The following CFDP1 variants were observed in gnomAD, a reference collection of about 807,000 sequenced individuals.
CFDP1 encodes the protein heterochromatin-stabilizing protein CFDP1.
A neutral mutation model predicts 40.1 loss-of-function variants in CFDP1; 31 were observed. The ratio of observed to expected loss-of-function variants is 0.77; its 90% CI spans 0.58 to 1.04. The LOEUF (loss-of-function observed/expected upper bound fraction) is 1.04, where lower values mean the gene tolerates loss of function less well. Ranked by LOEUF, CFDP1 falls within the 50% of genes least tolerant of loss-of-function variation. CFDP1 has a pLI of 0.00. For missense variants in CFDP1, 423 were observed against 343.4 expected (o/e 1.23, Z -1.83); for synonymous variants, 167 against 120.0 (o/e 1.39, Z -2.56).
Position 75,428,496 on chromosome 16 carries a change from T to C in CFDP1, c.64+4793A>G, listed in dbSNP as rs2079367836. ...AGCCAGGTGTGGTGGCACGCGCCTG[T>C]ATCCCAGCTACTCGAGAGGCTGAGG... On this transcript the variant is annotated intron_variant, in intron 1 of 6. Coordinates refer to ENST00000283882, the MANE Select transcript of CFDP1 (RefSeq NM_006324.3). 4.0e-5 allele frequency among the ~76,000 whole-genome samples: 6 copies of C among 151,766 alleles called. No individual in the cohort carries two copies. In the South Asian group the frequency reaches 1.2e-3, roughly 32 times the overall value.
At chr16:75,422,714 T>C (rs1030495185) in intron 1 of CFDP1, among the ~76,000 whole-genome samples, 2 of 146,432 alleles carry the variant, frequency 1.4e-5, no homozygotes, top group African/African-American at 5.1e-5. Flanking sequence ...GTCTTAAAAC[T>C]GTGATCAAAA....
At chr16:75,312,289 T>A (rs556386403) in intron 5 of CFDP1, among the ~76,000 whole-genome samples, 1 of 152,282 alleles carries the variant, frequency 6.6e-6, no homozygotes, top group East Asian at 1.9e-4. Flanking sequence ...GACAACGGCC[T>A]CAGGAAAGCA....
At chr16:75,343,984 T>C (rs1214866956) in intron 5 of CFDP1, among the ~76,000 whole-genome samples, 3 of 152,190 alleles carry the variant, frequency 2.0e-5, no homozygotes, top group African/African-American at 7.2e-5. Context: ...TATACTAAAA[T>C]TAGAATCTCT....
intron 5 of CFDP1, among the ~76,000 whole-genome samples, chr16:75,388,306 T>C (rs2078917504): frequency 6.6e-6 from 1 of 152,210 alleles, no homozygotes; most frequent in Non-Finnish European, 1.5e-5. Flanking sequence ...AAATAGACAT[T>C]ATTTATTCTT....
intron 5 of CFDP1, among the ~76,000 whole-genome samples, chr16:75,346,582 C>CAAAAAAAAAAAAAAAAAAAAAA (rs748081401): frequency 1.7e-5 from 1 of 59,328 alleles, no homozygotes; most frequent in African/African-American, 7.4e-5. Flanking sequence ...GACTCTGTCT[C>CAAAAAAAAAAAAAAAAAAAAAA]AAAAAAAAAA....
chr16:75,307,751 G>T lies in CFDP1; in HGVS notation c.651-2569C>A, dbSNP rs183558476. Reference sequence around the variant, plus strand: ...CTTTTTTATGTTTTGTAGAGACAGGGTCTTGCTATGTTGCCCAAGGCTGGT... The same window carrying T: ...CTTTTTTATGTTTTGTAGAGACAGGTTCTTGCTATGTTGCCCAAGGCTGGT... On this transcript the variant is annotated intron_variant, in intron 5 of 6. Coordinates refer to ENST00000283882, the MANE Select transcript of CFDP1 (RefSeq NM_006324.3). Among the ~76,000 whole-genome samples the T allele has an allele frequency of 2.0e-5, 3 of 152,172 alleles. No homozygotes were observed. The East Asian group carries it at 5.8e-4, about 29-fold the overall frequency.
chr16:75,433,420 G>A lies in CFDP1; in HGVS notation c.-68C>T. 6.8e-7 allele frequency: 1 copy of A among 1,476,418 alleles called. No homozygotes were observed. The highest frequency in any genetic ancestry group is 1.2e-5 in the South Asian group (1 of 83,412). 91.5% of individuals were successfully genotyped at this position (1,476,418 alleles called of 1,614,324 possible). On this transcript the variant is annotated 5_prime_UTR_variant, in exon 1 of 7. Coordinates refer to ENST00000283882, the MANE Select transcript of CFDP1 (RefSeq NM_006324.3). ...AGCCGCCTCCAACGGCAAAGCTCTA[G>A]GGAGAGACCATAGAGCCCCGGCGGC...
At chr16:75,306,121 C>T (rs1375990877) in intron 5 of CFDP1, among the ~76,000 whole-genome samples, 1 of 152,226 alleles carries the variant, frequency 6.6e-6, no homozygotes, top group African/African-American at 2.4e-5. Flanking sequence ...TATTTTCCGC[C>T]TCACGGGGAT....
intron 5 of CFDP1, among the ~76,000 whole-genome samples, chr16:75,369,391 C>G (rs11640473): frequency 6.5e-4 from 97 of 150,366 alleles, no homozygotes; most frequent in African/African-American, 2.3e-3. Flanking sequence ...TCAAAAAAAA[C>G]AAAAACAAAA....
chr16:75,386,012 G>T (rs1480206898), intron 5 of CFDP1, among the ~76,000 whole-genome samples: 1 of 152,080 alleles, frequency 6.6e-6, no homozygotes, highest in Non-Finnish European at 1.5e-5. Flanking sequence ...CACAACCAAG[G>T]GTATAGGAAT....
rs142783721 is a variant in CFDP1, at chr16:75,430,798, C to T, written c.64+2491G>A. Among the ~76,000 whole-genome samples the T allele has an allele frequency of 1.5e-3, 226 of 152,228 alleles. 1 individual carries two copies. The highest frequency in any genetic ancestry group is 5.4e-3 in the African/African-American group (223 of 41,518). Reference sequence around the variant, plus strand: ...TTTATCATACAGATGAAGCTTTTAGCAGACAGGCTTCAGAGAGAATAGGTT... The same window carrying T: ...TTTATCATACAGATGAAGCTTTTAGTAGACAGGCTTCAGAGAGAATAGGTT... On this transcript the variant is annotated intron_variant, in intron 1 of 6. Coordinates refer to ENST00000283882, the MANE Select transcript of CFDP1 (RefSeq NM_006324.3).
At chr16:75,349,403 A>C (rs1037728106) in intron 5 of CFDP1, among the ~76,000 whole-genome samples, 5 of 151,206 alleles carry the variant, frequency 3.3e-5, no homozygotes, top group African/African-American at 1.2e-4. Context: ...CCAGTTACTC[A>C]GGAGGCTGAG....
chr16:75,372,388 A>G (rs1015104137), intron 5 of CFDP1: 4 of 152,250 alleles, frequency 2.6e-5, no homozygotes, highest in Non-Finnish European at 2.9e-5. Flanking sequence ...GACTCTGGCC[A>G]GGAGTGCTGA....
chr16:75,330,823 T>A (rs1203955346), intron 5 of CFDP1, among the ~76,000 whole-genome samples: 1 of 152,208 alleles, frequency 6.6e-6, no homozygotes, highest in Non-Finnish European at 1.5e-5. Context: ...AGAATGTCTT[T>A]CATTTTACTA....
chr16:75,428,412 G>A (rs900308472), intron 1 of CFDP1, among the ~76,000 whole-genome samples: 1 of 152,040 alleles, frequency 6.6e-6, no homozygotes. Context: ...TCAGGAGATC[G>A]AGACCATCTT....
rs566279616 is a variant in CFDP1 at position 75,432,572 on chromosome 16, G to A, written c.64+717C>T. Among the ~76,000 whole-genome samples, 25 of 151,942 alleles carry A rather than the reference G, an allele frequency of 1.6e-4. No individual in the cohort carries two copies. The South Asian group carries it at 5.0e-3, about 30-fold the overall frequency. The stretch of plus-strand genomic sequence containing the variant: ...TTTAAATAAAACAGAACAGAACAAA[G>A]TAAAACAAAGAGAATAGGGACGACT... On this transcript the variant is annotated intron_variant, in intron 1 of 6. Coordinates refer to ENST00000283882, the MANE Select transcript of CFDP1 (RefSeq NM_006324.3).
chr16:75,365,526 C>T (rs1177183351), intron 5 of CFDP1, among the ~76,000 whole-genome samples: 1 of 152,148 alleles, frequency 6.6e-6, no homozygotes, highest in Admixed American at 6.5e-5. Context: ...GCTGTCAGAA[C>T]AGCTGGAAAG....
chr16:75,377,028 C>T (rs925318058), intron 5 of CFDP1, among the ~76,000 whole-genome samples: 1 of 152,240 alleles, frequency 6.6e-6, no homozygotes, highest in Non-Finnish European at 1.5e-5. Context: ...GAGCTGTTAA[C>T]ACTGCCGCTT....
At chr16:75,294,296 CAA>C (rs1024941993) in intron 6 of CFDP1, among the ~76,000 whole-genome samples, 1 of 152,162 alleles carries the variant, frequency 6.6e-6, no homozygotes, top group African/African-American at 2.4e-5. Flanking sequence ...AATTTTCTAA[CAA>C]GACTTTAAGG....
Sources: gnomAD v4.1 joint callset for allele counts (sites outside exome capture counted in the v4.1 genomes callset) on GRCh38, gnomAD v4.1.1 for gene constraint, MANE v1.5 for transcripts, NCBI Gene and HGNC (gene_info 2026-07-23, HGNC 2026-07-21) for gene names.